The following ECSIT variants were observed in gnomAD, a reference collection of about 807,000 sequenced individuals.
ECSIT encodes the protein evolutionarily conserved signaling intermediate in Toll pathway, mitochondrial.
A neutral mutation model predicts 36.8 loss-of-function variants in ECSIT; 29 were observed. The observed-to-expected ratio is 0.79, with a 90% confidence interval of 0.59 to 1.08. ECSIT has a LOEUF of 1.08. Among genes scored for constraint, ECSIT ranks in the 50% least tolerant of loss-of-function variants. ECSIT has a pLI of 0.00. For missense variants in ECSIT, 542 were observed against 581.0 expected (o/e 0.93, Z 0.69); for synonymous variants, 231 against 234.8 (o/e 0.98, Z 0.15).
At position 11,514,144 on chromosome 19, in the gene ECSIT, T is replaced by C. The variant is rs779770973; in HGVS notation, c.174A>G (p.Pro58=). Residue 58 remains proline, a synonymous_variant, in exon 3 of 8, where the codon CCA becomes CCG. Coordinates refer to ENST00000270517, the MANE Select transcript of ECSIT (RefSeq NM_016581.5). The part of the protein sequence containing the change: ...HSSEQSLVPS[P]PEPRQRPTKA... ...TGGTGGGCCTCTGCCGGGGTTCCGG[T>C]GGGCTGGGAACCAGGGACTGTTCAG... 1.2e-6 allele frequency: 2 copies of C among 1,613,738 alleles called. No individual in the cohort carries two copies. The highest frequency in any genetic ancestry group is 1.1e-5 in the South Asian group (1 of 91,060).
At chr19:11,514,775 C>T (rs1971955831) in intron 2 of ECSIT, among the ~76,000 whole-genome samples, 1 of 152,032 alleles carries the variant, frequency 6.6e-6, no homozygotes, top group African/African-American at 2.4e-5. Context: ...ATCCCGTCTC[C>T]ACCTCCCAAA....
intron 4 of ECSIT, among the ~76,000 whole-genome samples, chr19:11,512,520 C>T (rs755080859): frequency 1.3e-5 from 2 of 152,106 alleles, no homozygotes; most frequent in Non-Finnish European, 2.9e-5. Context: ...TGTTGTTCAT[C>T]AATGACCCAA....
intron 1 of ECSIT, chr19:11,523,689 A>G: frequency 1.4e-6 from 1 of 719,020 alleles, no homozygotes; most frequent in East Asian, 2.6e-5. Flanking sequence ...ACAAGAAACT[A>G]GGGGAATGGG....
Position 11,513,074 on chromosome 19 carries a change from G to T in ECSIT, c.720C>A (p.Ala240=), listed in dbSNP as rs770264153. 3 of 1,614,146 alleles carry T rather than the reference G, an allele frequency of 1.9e-6. No homozygotes were observed. In the Admixed American group the frequency reaches 5.0e-5, roughly 27 times the overall value. ...GLRHMEPDLS[A]RVTIYQVPLP... ...CGGATACCTGGTAGATGGTGACCCT[G>T]GCACTAAGGTCAGGCTCCATGTGCC... The change falls in exon 4 of 8, where the codon GCC becomes GCA. Residue 240 remains alanine (A), a synonymous_variant. Transcript: ENST00000270517.
In ECSIT at chr19:11,513,296, C is replaced by T. The variant is rs374428342; in HGVS notation, c.515-17G>A. The T allele has an allele frequency of 1.1e-4, 174 of 1,606,544 alleles. No individual in the cohort carries two copies. The African/African-American group carries it at 1.8e-3, about 17-fold the overall frequency. ...GCATCACACCTGTGCTGGGCAGATG[C>T]AGGCAGAACCTCAGAGATGGAGGGG... is the stretch of plus-strand genomic sequence containing the variant. On this transcript the variant is annotated splice_polypyrimidine_tract_variant and intron_variant, in intron 3 of 7. Transcript: ENST00000270517.
rs1013568064 is a variant in ECSIT, at chr19:11,505,955, C to G, written c.*229G>C. 1 of 922,472 alleles carries G rather than the reference C, an allele frequency of 1.1e-6. No individual in the cohort carries two copies. The highest frequency in any genetic ancestry group is 1.6e-6 in the Non-Finnish European group (1 of 637,812). 57.1% of individuals were successfully genotyped at this position (922,472 alleles called of 1,614,324 possible). On this transcript the variant is annotated 3_prime_UTR_variant, in exon 8 of 8. Transcript: ENST00000270517. ...GCGCACAACCAACAGCGCTCCCGCC[C>G]CTTTTTATTTGAATTCGGAGAACCA...
chr19:11,516,396 A>C (rs965837307), intron 2 of ECSIT: 6 of 152,188 alleles, frequency 3.9e-5, no homozygotes, highest in African/African-American at 1.4e-4. Flanking sequence ...AAGGCATCTT[A>C]AAAATATACA....
chr19:11,519,192 A>T lies in ECSIT; in HGVS notation c.-22T>A, dbSNP rs368746549. 26 of 1,539,964 alleles carry T rather than the reference A, an allele frequency of 1.7e-5. No homozygotes were observed. The highest frequency in any genetic ancestry group is 7.9e-5 in the Admixed American group (4 of 50,922). On this transcript the variant is annotated splice_region_variant and 5_prime_UTR_variant, in exon 2 of 8. Transcript: ENST00000270517. This position sits in a 1 kb window ranked among gnomAD's most constrained non-coding sequence, Gnocchi z 4.4. ...TCATGCCTCTGCTTGTCAGACAATC[A>T]CCTGGCCCAAAAGAAGATTCAGCAT...
At chr19:11,520,646 GGGACT>G (rs1972084412) in intron 1 of ECSIT, among the ~76,000 whole-genome samples, 1 of 151,664 alleles carries the variant, frequency 6.6e-6, no homozygotes, top group Non-Finnish European at 1.5e-5. Context: ...CTGAGTAGCT[GGGACT>G]ATAGGTGTGT....
In ECSIT at chr19:11,515,136, C is replaced by T. The variant is rs1971964195; in HGVS notation, c.97-915G>A. On this transcript the variant is annotated intron_variant, in intron 2 of 7. Coordinates refer to ENST00000270517, the MANE Select transcript of ECSIT (RefSeq NM_016581.5). ...TTTTTTTTTTTGAGACAGAGTCTCG[C>T]TTTGTCACCCAGGCTGGAGTGCAGT... Among the ~76,000 whole-genome samples, 3 of 146,680 alleles carry T rather than the reference C, an allele frequency of 2.0e-5. No individual in the cohort carries two copies. The South Asian group carries it at 6.4e-4, about 31-fold the overall frequency.
chr19:11,513,592 G>T (rs867424656), intron 3 of ECSIT, among the ~76,000 whole-genome samples: 1 of 123,392 alleles, frequency 8.1e-6, no homozygotes, highest in South Asian at 3.4e-4. Context: ...AGAGGAGAGT[G>T]GGGGGAGGAG....
intron 2 of ECSIT, among the ~76,000 whole-genome samples, chr19:11,515,347 C>T (rs980474912): frequency 1.3e-5 from 2 of 152,234 alleles, no homozygotes; most frequent in African/African-American, 2.4e-5. Context: ...TCGTGATCCG[C>T]CCGCCTTGGC....
intron 1 of ECSIT, chr19:11,522,280 G>T (rs1342005157): frequency 5.8e-5 from 37 of 642,640 alleles, no homozygotes; most frequent in Non-Finnish European, 1.4e-5. Flanking sequence ...CACCACGGGC[G>T]CTGTCACCCA....
chr19:11,506,317 G>A lies in ECSIT; in HGVS notation c.1163C>T (p.Pro388Leu), dbSNP rs745526995. The A allele has an allele frequency of 6.2e-7, 1 of 1,613,366 alleles. No homozygotes were observed. The highest frequency in any genetic ancestry group is 8.5e-7 in the Non-Finnish European group (1 of 1,179,870). ...GGACCCGGCGAGGCGGAAGACCACG[G>A]GGATCTGGGCCAGGGTTGGGTTGGT... ...QETNPTLAQI[P>L]VVFRLAGSTR... Residue 388 changes from proline (P) to leucine (L), a missense_variant, in exon 8 of 8, where the codon CCC (proline) becomes CTC (leucine). Physicochemically the swap from Pro to Leu is moderately conservative, Grantham distance 98. Transcript: ENST00000270517.
At chr19:11,523,858 A>C in intron 1 of ECSIT, 1 of 527,536 alleles carries the variant, frequency 1.9e-6, no homozygotes, top group South Asian at 1.6e-5. Context: ...CTCACATAAA[A>C]AAATAAGTTA....
At chr19:11,507,886 G>A in intron 5 of ECSIT, 36 bp from the exon 6 acceptor site, 1 of 1,613,958 alleles carries the variant, frequency 6.2e-7, no homozygotes, top group Non-Finnish European at 8.5e-7. Context: ...TGCCCTGCAA[G>A]GGACTCGGCC....
At chr19:11,516,467 T>A (rs78961629) in intron 2 of ECSIT, 2 of 152,010 alleles carry the variant, frequency 1.3e-5, no homozygotes, top group Non-Finnish European at 2.9e-5. Flanking sequence ...CTGGGCAACA[T>A]AGTGAGACTC....
In ECSIT at chr19:11,513,200, C is replaced by T. The variant is rs768261958; in HGVS notation, c.594G>A (p.Val198=). 5 of 1,614,168 alleles carry T rather than the reference C, an allele frequency of 3.1e-6. No homozygotes were observed. Among genetic ancestry groups the T allele is most frequent in the Non-Finnish European group, 4.2e-6 (5 of 1,180,050 alleles). The change falls in exon 4 of 8, where the codon GTG becomes GTA. Residue 198 remains valine (V), a synonymous_variant. Coordinates refer to ENST00000270517, the MANE Select transcript of ECSIT (RefSeq NM_016581.5). ...ATCGAGGGAACCACAGCTTCAGGCG[C>T]ACCAACTTGAGCATGGGGTAGCTTT... is the stretch of plus-strand genomic sequence containing the variant. The part of the protein sequence containing the change: ...GRKSYPMLKL[V]RLKLWFPRFM...
intron 1 of ECSIT, among the ~76,000 whole-genome samples, chr19:11,527,177 C>A (rs773634693): frequency 6.6e-6 from 1 of 151,946 alleles, no homozygotes; most frequent in Admixed American, 6.6e-5. Flanking sequence ...CAAAAATTAG[C>A]CAGGTGTGGT....
Sources: gnomAD v4.1 joint callset for allele counts (sites outside exome capture counted in the v4.1 genomes callset) on GRCh38, gnomAD v4.1.1 for gene constraint, Gnocchi (gnomAD v3.1) non-coding constraint, MANE v1.5 for transcripts, NCBI Gene and HGNC (gene_info 2026-07-23, HGNC 2026-07-21) for gene names.